The following TP53BP1 variants were observed in gnomAD, a reference collection of about 807,000 sequenced individuals.
The protein encoded by TP53BP1 is tumor protein p53 binding protein 1.
Under a neutral mutation model 200.8 loss-of-function variants are expected in TP53BP1, and 61 were observed. The observed-to-expected ratio is 0.30, with a 90% CI of 0.25 to 0.38. The LOEUF (loss-of-function observed/expected upper bound fraction) is 0.38, where lower values mean the gene tolerates loss of function less well. Ranked by LOEUF, TP53BP1 falls within the 10% of genes least tolerant of loss-of-function variation. The pLI, the probability that TP53BP1 is intolerant of heterozygous loss-of-function variation, is 1.00. For missense variants in TP53BP1, 2,144 were observed against 2,371.9 expected, an observed-to-expected ratio of 0.90 and a Z score of 2.00; for synonymous variants, 822 against 844.3, an observed-to-expected ratio of 0.97 and a Z score of 0.46.
In TP53BP1 at chr15:43,456,207, G is replaced by C. The variant is rs147646939; in HGVS notation, c.2401C>G (p.Pro801Ala). ...GTGTCTAATCTATTCTCAGCACATG[G>C]TTCTATTTCTGGAGCAATATCCTCC... ...SWEDIAPEIE[P>A]CAENRLDTKE... is the part of the protein sequence containing the mutation. Residue 801 changes from proline to alanine, a missense_variant, in exon 12 of 28, where the codon CCA becomes GCA. Physicochemically the swap from Pro to Ala is conservative, Grantham distance 27. Around this residue, in one of 4 missense-constraint regions of TP53BP1, gnomAD observed 1,700 missense variants for 1,710.3 expected, o/e 0.99. Coordinates refer to ENST00000382044, the MANE Select transcript of TP53BP1 (RefSeq NM_001141980.3). 5 of 1,613,990 alleles carry C rather than the reference G, an allele frequency of 3.1e-6. No individual in the cohort carries two copies. In the African/African-American group the frequency reaches 6.7e-5, roughly 22 times the overall value.
At chr15:43,483,382 A>T (rs1013091624) in intron 4 of TP53BP1, among the ~76,000 whole-genome samples, 1 of 152,188 alleles carries the variant, frequency 6.6e-6, no homozygotes, top group Non-Finnish European at 1.5e-5. Flanking sequence ...CATGTTTTTA[A>T]GCAAAACATC....
In TP53BP1 at chr15:43,441,546, A is replaced by T; in HGVS notation, c.3078T>A (p.Ala1026=). Residue 1026 remains alanine (A), a synonymous_variant, in exon 15 of 28, where the codon GCT becomes GCA. Coordinates refer to ENST00000382044, the MANE Select transcript of TP53BP1 (RefSeq NM_001141980.3). ...GTTACCTGGCAACAGACTCAGCAAC[A>T]GCAGTAGATCCATTTTTTCTTTCAC... ...ATGERKNGST[A]VAESVASPQK... 6.2e-7 allele frequency: 1 copy of T among 1,613,508 alleles called. No homozygotes were observed. The highest frequency in any genetic ancestry group is 8.5e-7 in the Non-Finnish European group (1 of 1,179,468).
Position 43,469,915 on chromosome 15 carries a change from G to A in TP53BP1, c.1332C>T (p.Ser444=). ...GTGACCCAGGAGGGAAGACTGGTGT[G>A]CTCTGAGATATTGGTGTTGAGGCTT... ...SPQASTPISQ[S]TPVFPPGSLP... Residue 444 remains serine, a synonymous_variant, in exon 11 of 28, where the codon AGC becomes AGT. Transcript: ENST00000382044. The A allele has an allele frequency of 6.2e-7, 1 of 1,614,070 alleles. No individual in the cohort carries two copies. Among genetic ancestry groups the A allele is most frequent in the South Asian group, 1.1e-5 (1 of 91,082 alleles).
At chr15:43,442,590 T>A (rs1042086611) in intron 14 of TP53BP1, among the ~76,000 whole-genome samples, 1 of 151,836 alleles carries the variant, frequency 6.6e-6, no homozygotes, top group East Asian at 1.9e-4. Flanking sequence ...CTGTGTCTCC[T>A]GGGTTCAAGC....
chr15:43,456,394 T>C lies in TP53BP1; in HGVS notation c.2214A>G (p.Ile738Met). ...CCTTATGTTCCAATTCTTGGTCAAG[T>C]ATTGCCAACTTTTGAGGGGAATCAA... ...ISIDSPQKLAILDQELEHKEQ... is the reference protein window; with the variant it reads ...ISIDSPQKLAMLDQELEHKEQ... Residue 738 changes from isoleucine (I) to methionine (M), a missense_variant, in exon 12 of 28, where the codon ATA becomes ATG. Ile to Met is a conservative substitution (Grantham distance 10, BLOSUM62 1). This residue lies in a region of TP53BP1 where 1,700 missense variants were observed against 1,710.3 expected (regional missense o/e 0.99). Transcript: ENST00000382044. 1 of 1,601,934 alleles carries C rather than the reference T, an allele frequency of 6.2e-7. No individual in the cohort carries two copies. Among genetic ancestry groups the C allele is most frequent in the South Asian group, 1.1e-5 (1 of 88,332 alleles).
At chr15:43,504,015 T>TACA (rs2079223594) in intron 1 of TP53BP1, among the ~76,000 whole-genome samples, 1 of 152,188 alleles carries the variant, frequency 6.6e-6, no homozygotes, top group Admixed American at 6.5e-5. Context: ...CCAGGAATGG[T>TACA]GGCTAAAGCC....
chr15:43,403,905 C>A lies in TP53BP1; in HGVS notation c.*3478G>T. 1 of 769,202 alleles carries A rather than the reference C, an allele frequency of 1.3e-6. No individual in the cohort carries two copies. The highest frequency in any genetic ancestry group is 2.3e-6 in the Non-Finnish European group (1 of 439,816). The allele number at this position is 769,202 out of a possible 1,614,324, so 47.6% of individuals were successfully genotyped here. On this transcript the variant is annotated 3_prime_UTR_variant, in exon 28 of 28. Coordinates refer to ENST00000382044, the MANE Select transcript of TP53BP1 (RefSeq NM_001141980.3). ...GAGTCAGTAAAGCATTTCCTCAATA[C>A]ACACACGTACAGAGATAAGATACAA...
At chr15:43,422,732 G>A (rs1404468348) in intron 18 of TP53BP1, among the ~76,000 whole-genome samples, 2 of 152,128 alleles carry the variant, frequency 1.3e-5, no homozygotes, top group African/African-American at 4.8e-5. Flanking sequence ...GGTGGCTCAC[G>A]CCTGTAATCC....
At chr15:43,441,110 T>C in intron 15 of TP53BP1, 1 of 160,678 alleles carries the variant, frequency 6.2e-6, no homozygotes, top group Admixed American at 6.3e-5. Context: ...AGTAGTTAAT[T>C]TGGCAGGCAG....
At chr15:43,413,753 C>T (rs1437832741) in intron 23 of TP53BP1, among the ~76,000 whole-genome samples, 1 of 151,814 alleles carries the variant, frequency 6.6e-6, no homozygotes, top group Non-Finnish European at 1.5e-5. Context: ...TCTGATTTCC[C>T]CCAGGGTATG....
At position 43,416,313 on chromosome 15, in the gene TP53BP1, C is replaced by A; in HGVS notation, c.4785G>T (p.Leu1595Phe). 6.2e-7 allele frequency: 1 copy of A among 1,614,208 alleles called. No individual in the cohort carries two copies. The highest frequency in any genetic ancestry group is 8.5e-7 in the Non-Finnish European group (1 of 1,180,030). ...GCTCTCTCAGTCTGTTTCCTTGCTC[C>A]AAGGACAGGATGACAGCCATTCGCT... is the stretch of plus-strand genomic sequence containing the variant. ...WYKRMAVILS[L>F]EQGNRLREQY... Residue 1595 changes from leucine (L) to phenylalanine (F), a missense_variant, in exon 22 of 28, where the codon TTG (leucine) becomes TTT (phenylalanine). Transcript: ENST00000382044.
intron 6 of TP53BP1, 27 bp downstream of exon 6, chr15:43,479,832 C>G: frequency 6.2e-6 from 10 of 1,611,962 alleles, no homozygotes; most frequent in Non-Finnish European, 8.5e-6. Flanking sequence ...CACAACAACT[C>G]CAAATGCCAG....
intron 5 of TP53BP1, among the ~76,000 whole-genome samples, chr15:43,480,565 TC>T (rs1335860204): frequency 1.3e-5 from 2 of 152,234 alleles, no homozygotes; most frequent in African/African-American, 4.8e-5. Flanking sequence ...ACGTCTGCTT[TC>T]TAAAGGTACA....
intron 4 of TP53BP1, among the ~76,000 whole-genome samples, chr15:43,484,141 C>T (rs2079013619): frequency 6.6e-6 from 1 of 152,202 alleles, no homozygotes; most frequent in Admixed American, 6.5e-5. Flanking sequence ...AACTGTCATT[C>T]CATTACTCTA....
intron 13 of TP53BP1, chr15:43,446,827 A>G: frequency 6.8e-7 from 1 of 1,468,432 alleles, no homozygotes; most frequent in Non-Finnish European, 9.1e-7. Context: ...AGGATGCTGC[A>G]TGAGCCCTCA....
At position 43,446,493 on chromosome 15, in the gene TP53BP1, C is replaced by T; in HGVS notation, c.2934G>A (p.Gly978=). 1.2e-6 allele frequency: 2 copies of T among 1,614,124 alleles called. No homozygotes were observed. The highest frequency in any genetic ancestry group is 2.2e-5 in the East Asian group (1 of 44,878). ...THDPILGSGK[G]DSGAAPDVDD... is the part of the protein sequence containing the mutation. ...CCACGTCTGGGGCAGCCCCAGAATC[C>T]CCTTTTCCACTCCCAAGTATGGGAT... Residue 978 remains glycine, a synonymous_variant, in exon 14 of 28, where the codon GGG becomes GGA. Transcript: ENST00000382044.
At chr15:43,428,244 T>C (rs2045595443) in intron 17 of TP53BP1, 76 bp from the exon 18 acceptor site, 1 of 1,321,128 alleles carries the variant, frequency 7.6e-7, no homozygotes, top group Admixed American at 1.8e-5. Flanking sequence ...TGCTTCATGA[T>C]GAGAACTGTT....
At chr15:43,479,570 C>T in intron 6 of TP53BP1, 44 bp from the exon 7 acceptor site, 1 of 1,580,484 alleles carries the variant, frequency 6.3e-7, no homozygotes, top group Non-Finnish European at 8.6e-7. Context: ...ATTAAGTTTT[C>T]AAAATACTAG....
In TP53BP1 at chr15:43,432,532, C is replaced by T. The variant is rs1176269632; in HGVS notation, c.3337G>A (p.Val1113Ile). The T allele has an allele frequency of 1.2e-6, 2 of 1,614,126 alleles. No individual in the cohort carries two copies. The highest frequency in any genetic ancestry group is 1.7e-6 in the Non-Finnish European group (2 of 1,180,026). ...TGAGGACTGGATGGCCCTTGTATGA[C>T]CATCTTCTGGGAAGCAGGAGAAACA... ...DPVSPASQKM[V>I]IQGPSSPQGE... The change falls in exon 17 of 28, where the codon GTC (valine) becomes ATC (isoleucine). Residue 1113 changes from valine (V) to isoleucine (I), a missense_variant. Physicochemically the swap from Val to Ile is conservative, Grantham distance 29. Coordinates refer to ENST00000382044, the MANE Select transcript of TP53BP1 (RefSeq NM_001141980.3).
Sources: allele counts gnomAD v4.1 joint callset (sites outside exome capture counted in the v4.1 genomes callset), GRCh38; gene constraint gnomAD v4.1.1; regional missense constraint gnomAD v4.1.1; transcripts MANE v1.5; gene names NCBI Gene and HGNC (gene_info 2026-07-23, HGNC 2026-07-21).